EML4: variants seen among roughly 807,000 people sequenced by gnomAD.
The protein encoded by EML4 is EMAP like 4.
A neutral mutation model predicts 129.0 loss-of-function variants in EML4; 72 were observed. The ratio of observed to expected loss-of-function variants is 0.56; its 90% confidence interval spans 0.46 to 0.68. EML4 has a LOEUF of 0.68. Ranked by LOEUF, EML4 falls within the 30% of genes least tolerant of loss-of-function variation. EML4 has a pLI of 0.00. For synonymous variants in EML4, 532 were observed against 405.0 expected, an observed-to-expected ratio of 1.31 and a Z score of -3.77; for missense variants, 1,363 against 1,190.6, an observed-to-expected ratio of 1.14 and a Z score of -2.13.
rs2103828105 is a variant in EML4, at chr2:42,325,481, C to T, written c.2169C>T (p.Tyr723=). ...RYGRCTGHSS[Y]ITHLDWSPDN... is the part of the protein sequence containing the mutation. Reference sequence around the variant, plus strand: ...TTATTTTCTAGGGACATTCCAGCTACATCACACACCTTGACTGGTCCCCAG... The same window carrying T: ...TTATTTTCTAGGGACATTCCAGCTATATCACACACCTTGACTGGTCCCCAG... Residue 723 remains tyrosine, a synonymous_variant, in exon 20 of 23, where the codon TAC becomes TAT. Coordinates refer to ENST00000318522, the MANE Select transcript of EML4 (RefSeq NM_019063.5). 1 of 1,560,410 alleles carries T rather than the reference C, an allele frequency of 6.4e-7. No homozygotes were observed. The highest frequency in any genetic ancestry group is 8.8e-7 in the Non-Finnish European group (1 of 1,136,994).
At chr2:42,234,057 G>C (rs1364574572) in intron 1 of EML4, among the ~76,000 whole-genome samples, 1 of 152,238 alleles carries the variant, frequency 6.6e-6, no homozygotes, top group Non-Finnish European at 1.5e-5. Context: ...CTAGGGTTTA[G>C]CCACTCCTCA....
chr2:42,321,821 T>G (rs1669538582), intron 19 of EML4, among the ~76,000 whole-genome samples: 1 of 152,088 alleles, frequency 6.6e-6, no homozygotes. Context: ...GGAGAAAAAA[T>G]GCATTCACAA....
chr2:42,248,797 G>A (rs1385153951), intron 2 of EML4, among the ~76,000 whole-genome samples: 2 of 152,070 alleles, frequency 1.3e-5, no homozygotes, highest in African/African-American at 4.8e-5. Context: ...AACACAGGCA[G>A]TTTATGAAAT....
chr2:42,250,285 C>T (rs1041350658), intron 2 of EML4, among the ~76,000 whole-genome samples: 3 of 152,096 alleles, frequency 2.0e-5, no homozygotes, highest in Non-Finnish European at 2.9e-5. Context: ...CCAAAAGAAA[C>T]ATTGCTAATT....
At chr2:42,267,799 T>C (rs1004108839) in intron 6 of EML4, among the ~76,000 whole-genome samples, 3 of 152,172 alleles carry the variant, frequency 2.0e-5, no homozygotes, top group Non-Finnish European at 4.4e-5. Context: ...ACCTAAACTT[T>C]TTTTCATTAC....
chr2:42,306,188 T>C (rs1228314748), intron 17 of EML4, among the ~76,000 whole-genome samples: 2 of 152,212 alleles, frequency 1.3e-5, no homozygotes, highest in Non-Finnish European at 2.9e-5. Context: ...TTAAAAGCAC[T>C]TAGACTTGGA....
intron 1 of EML4, among the ~76,000 whole-genome samples, chr2:42,226,567 G>C (rs796961580): frequency 3.3e-5 from 5 of 152,164 alleles, no homozygotes; most frequent in African/African-American, 9.6e-5. Flanking sequence ...TGAGGCAGGA[G>C]AATCACTTGA....
chr2:42,222,786 T>C (rs1259784613), intron 1 of EML4, among the ~76,000 whole-genome samples: 1 of 133,612 alleles, frequency 7.5e-6, no homozygotes, highest in East Asian at 2.7e-4. Context: ...ACGGTTCTTT[T>C]GTTTGTTTTG....
intron 1 of EML4, among the ~76,000 whole-genome samples, chr2:42,182,603 A>G (rs957602666): frequency 6.6e-6 from 1 of 152,144 alleles, no homozygotes; most frequent in African/African-American, 2.4e-5. Context: ...TTTAGAGAAA[A>G]CAGTAGCTTT....
intron 8 of EML4, among the ~76,000 whole-genome samples, chr2:42,283,963 A>G (rs778473931): frequency 1.3e-5 from 2 of 152,234 alleles, no homozygotes; most frequent in Admixed American, 6.5e-5. Flanking sequence ...CGTTGTTGAA[A>G]GAGTCTAGAT....
intron 9 of EML4, 80 bp from the exon 10 acceptor site, chr2:42,286,188 TA>T (rs771776043): frequency 1.2e-6 from 1 of 828,856 alleles, no homozygotes; most frequent in Non-Finnish European, 2.2e-6. Context: ...ATTACTTTTT[TA>T]AATGGCATTA....
rs1226303908 is a variant in EML4 at position 42,212,918 on chromosome 2, C to G, written c.26-32587C>G. On this transcript the variant is annotated intron_variant, in intron 1 of 22. Coordinates refer to ENST00000318522, the MANE Select transcript of EML4 (RefSeq NM_019063.5). ...CCTGTATTCCAGTCCTGGCTGTGCC[C>G]TGTGTTCTGTAATCTTGGAAGCCAG... Among the ~76,000 whole-genome samples the G allele has an allele frequency of 5.9e-5, 9 of 152,128 alleles. No homozygotes were observed. The East Asian group carries it at 1.7e-3, about 29-fold the overall frequency.
At chr2:42,206,925 C>G (rs959072269) in intron 1 of EML4, among the ~76,000 whole-genome samples, 1 of 152,108 alleles carries the variant, frequency 6.6e-6, no homozygotes, top group African/African-American at 2.4e-5. Context: ...ATTTCTACAT[C>G]TGTAATTGTA....
chr2:42,185,214 G>A (rs1007428448), intron 1 of EML4, among the ~76,000 whole-genome samples: 8 of 151,970 alleles, frequency 5.3e-5, no homozygotes, highest in African/African-American at 9.7e-5. Context: ...TCTCTTGTTC[G>A]TTCTGTCTGA....
chr2:42,322,142 G>GT (rs1257062699), intron 19 of EML4, among the ~76,000 whole-genome samples: 1 of 152,204 alleles, frequency 6.6e-6, no homozygotes, highest in African/African-American at 2.4e-5. Flanking sequence ...ACAGATTTAT[G>GT]TTTTTATGAA....
chr2:42,294,543 A>C (rs1328518538), intron 11 of EML4, among the ~76,000 whole-genome samples: 3 of 152,166 alleles, frequency 2.0e-5, no homozygotes, highest in Non-Finnish European at 4.4e-5. Flanking sequence ...TGAAAATACA[A>C]AACTTAGCTG....
chr2:42,250,465 C>T (rs1468301648), intron 2 of EML4, among the ~76,000 whole-genome samples: 2 of 152,250 alleles, frequency 1.3e-5, no homozygotes, highest in East Asian at 1.9e-4. Context: ...GGGACCCTTA[C>T]GCTAAAATGA....
intron 1 of EML4, among the ~76,000 whole-genome samples, chr2:42,242,680 T>C (rs935791584): frequency 6.6e-6 from 1 of 151,390 alleles, no homozygotes; most frequent in Non-Finnish European, 1.5e-5. Context: ...CCTCCCTCCC[T>C]TCCTTCCCTT....
At chr2:42,223,855 T>C (rs1558516540) in intron 1 of EML4, among the ~76,000 whole-genome samples, 2 of 152,118 alleles carry the variant, frequency 1.3e-5, no homozygotes, top group South Asian at 2.1e-4. Flanking sequence ...CCAGACTCTT[T>C]TTACCCCTTC....
Sources: gnomAD v4.1 joint callset for allele counts (sites outside exome capture counted in the v4.1 genomes callset) on GRCh38, gnomAD v4.1.1 for gene constraint, MANE v1.5 for transcripts, NCBI Gene and HGNC (gene_info 2026-07-23, HGNC 2026-07-21) for gene names.